Variants in RIMS1 observed in about 807,000 individuals in gnomAD.
RIMS1 encodes the protein regulating synaptic membrane exocytosis protein 1.
A neutral mutation model predicts 214.1 loss-of-function variants in RIMS1; 83 were observed. That is an observed-to-expected ratio of 0.39 (90% confidence interval 0.32 to 0.47). The LOEUF (loss-of-function observed/expected upper bound fraction) is 0.47, where lower values mean the gene tolerates loss of function less well. Among genes scored for constraint, RIMS1 ranks in the 20% least tolerant of loss-of-function variants. The pLI is 0.99. For missense variants in RIMS1, 2,050 were observed against 2,161.8 expected (o/e 0.95, Z 1.03); for synonymous variants, 793 against 786.8 (o/e 1.01, Z -0.13).
chr6:72,219,708 G>A (rs2057724990), intron 6 of RIMS1, among the ~76,000 whole-genome samples: 2 of 151,636 alleles, frequency 1.3e-5, no homozygotes, highest in Non-Finnish European at 2.9e-5. Flanking sequence ...GAGGCTGTTA[G>A]CCCTGCAATG....
intron 2 of RIMS1, among the ~76,000 whole-genome samples, chr6:71,992,674 G>C (rs947291076): frequency 1.4e-5 from 2 of 144,928 alleles, no homozygotes; most frequent in Non-Finnish European, 3.0e-5. Flanking sequence ...TTTTTTTGAG[G>C]CTCAGTTTTA....
chr6:72,392,685 C>T lies in RIMS1; in HGVS notation c.4506-13C>T. Reference sequence around the variant, plus strand: ...TGGGTTTTTTCCTTTGGTTTTTATCCTTTTGCTGATAGTTTAATATTTCCT... The same window carrying T: ...TGGGTTTTTTCCTTTGGTTTTTATCTTTTTGCTGATAGTTTAATATTTCCT... On this transcript the variant is annotated splice_polypyrimidine_tract_variant and intron_variant, in intron 30 of 33. Transcript: ENST00000521978. The T allele has an allele frequency of 6.4e-7, 1 of 1,574,618 alleles. No homozygotes were observed. Among genetic ancestry groups the T allele is most frequent in the Non-Finnish European group, 8.7e-7 (1 of 1,143,812 alleles).
At chr6:71,942,449 T>C (rs1343562630) in intron 1 of RIMS1, among the ~76,000 whole-genome samples, 2 of 152,172 alleles carry the variant, frequency 1.3e-5, no homozygotes, top group South Asian at 2.1e-4. Flanking sequence ...ATTCTGGCAA[T>C]TGGAATTTTT....
At chr6:72,333,965 G>A (rs932457499) in intron 29 of RIMS1, 130 bp downstream of exon 29, 1 of 693,688 alleles carries the variant, frequency 1.4e-6, no homozygotes, top group Non-Finnish European at 2.4e-6. Context: ...TTATTTTTCT[G>A]TCTCTGAAAA....
chr6:72,316,973 T>TC, intron 28 of RIMS1: 2 of 578,604 alleles, frequency 3.5e-6, no homozygotes, highest in Non-Finnish European at 6.6e-6. Flanking sequence ...GTGGAGAGGG[T>TC]CGAGGGCCCA....
chr6:71,948,615 T>A (rs1198800938), intron 1 of RIMS1, among the ~76,000 whole-genome samples: 2 of 152,228 alleles, frequency 1.3e-5, no homozygotes, highest in Non-Finnish European at 2.9e-5. Context: ...TGTGAAGATT[T>A]AATGCTCTTA....
At chr6:72,010,678 C>A (rs558453362) in intron 2 of RIMS1, among the ~76,000 whole-genome samples, 21 of 152,104 alleles carry the variant, frequency 1.4e-4, no homozygotes, top group African/African-American at 4.8e-4. Context: ...TTCTTATACA[C>A]CAATAACAGA....
At chr6:72,007,011 C>T (rs893808518) in intron 2 of RIMS1, among the ~76,000 whole-genome samples, 10 of 152,162 alleles carry the variant, frequency 6.6e-5, no homozygotes, top group Non-Finnish European at 1.0e-4. Context: ...GATCTGAGAA[C>T]GGACAGACTG....
intron 30 of RIMS1, among the ~76,000 whole-genome samples, chr6:72,391,586 G>A (rs2154440895): frequency 6.6e-6 from 1 of 151,944 alleles, no homozygotes; most frequent in East Asian, 1.9e-4. Flanking sequence ...CTAATTTCTT[G>A]TCTTTACTGG....
At chr6:71,982,071 T>C (rs1040686163) in intron 2 of RIMS1, among the ~76,000 whole-genome samples, 14 of 152,078 alleles carry the variant, frequency 9.2e-5, no homozygotes, top group African/African-American at 2.7e-4. Context: ...CATTATGGAG[T>C]AGAGGATATG....
intron 28 of RIMS1, among the ~76,000 whole-genome samples, chr6:72,324,411 C>T (rs1485068539): frequency 6.6e-6 from 1 of 151,622 alleles, no homozygotes; most frequent in Non-Finnish European, 1.5e-5. Flanking sequence ...AGGGTAGTCA[C>T]TAATAGCATA....
intron 28 of RIMS1, among the ~76,000 whole-genome samples, chr6:72,332,451 C>T (rs1455511869): frequency 6.9e-6 from 1 of 144,318 alleles, no homozygotes; most frequent in Admixed American, 7.4e-5. Context: ...AACCAAACAC[C>T]ACATGTTCTC....
At chr6:72,321,345 T>G (rs2096148576) in intron 28 of RIMS1, among the ~76,000 whole-genome samples, 1 of 152,154 alleles carries the variant, frequency 6.6e-6, no homozygotes, top group Non-Finnish European at 1.5e-5. Context: ...TTCTCATGTT[T>G]TGGTATTCAC....
intron 29 of RIMS1, among the ~76,000 whole-genome samples, chr6:72,339,781 G>A (rs376042267): frequency 6.6e-6 from 1 of 151,530 alleles, no homozygotes; most frequent in African/African-American, 2.4e-5. Context: ...ATGATTTATA[G>A]TCCTTTGGGT....
chr6:71,965,539 A>T (rs1482614371), intron 1 of RIMS1, among the ~76,000 whole-genome samples: 1 of 152,202 alleles, frequency 6.6e-6, no homozygotes, highest in Non-Finnish European at 1.5e-5. Context: ...TGAAGAGTGG[A>T]AGTGGCTGAG....
chr6:71,888,669 T>C (rs1488038216), intron 1 of RIMS1, among the ~76,000 whole-genome samples: 1 of 152,212 alleles, frequency 6.6e-6, no homozygotes, highest in Admixed American at 6.5e-5. Flanking sequence ...GGGAGAGATG[T>C]GGCTGTTAGG....
chr6:72,164,486 G>T (rs560661082), intron 4 of RIMS1, among the ~76,000 whole-genome samples: 1 of 152,150 alleles, frequency 6.6e-6, no homozygotes, highest in East Asian at 1.9e-4. Context: ...CATCGCTCAC[G>T]CCTGGAGCTG....
intron 4 of RIMS1, among the ~76,000 whole-genome samples, chr6:72,156,709 CA>C (rs2044491190): frequency 7.1e-6 from 1 of 140,140 alleles, no homozygotes; most frequent in Non-Finnish European, 1.6e-5. Context: ...AATCACTTTA[CA>C]ATGTTTATGT....
intron 4 of RIMS1, among the ~76,000 whole-genome samples, chr6:72,134,216 GTTGTT>G (rs2040905614): frequency 6.6e-6 from 1 of 151,864 alleles, no homozygotes; most frequent in Non-Finnish European, 1.5e-5. Context: ...CAGGTTCCTG[GTTGTT>G]TATAGGGTAA....
Sources: gnomAD v4.1 joint callset for allele counts (sites outside exome capture counted in the v4.1 genomes callset) on GRCh38, gnomAD v4.1.1 for gene constraint, MANE v1.5 for transcripts, NCBI Gene and HGNC (gene_info 2026-07-23, HGNC 2026-07-21) for gene names.